Variants in TTC7A observed in about 807,000 individuals in gnomAD.
The protein encoded by TTC7A is tetratricopeptide repeat protein 7A.
A neutral mutation model predicts 103.7 loss-of-function variants in TTC7A; 110 were observed. The ratio of observed to expected loss-of-function variants is 1.06; its 90% CI spans 0.91 to 1.24. The LOEUF (loss-of-function observed/expected upper bound fraction) is 1.24, where lower values mean the gene tolerates loss of function less well. TTC7A is among the 50% of genes most tolerant of loss of function. The pLI, the probability that TTC7A is intolerant of heterozygous loss-of-function variation, is 0.00. For synonymous variants in TTC7A, 521 were observed against 467.9 expected, an observed-to-expected ratio of 1.11 and a Z score of -1.47; for missense variants, 1,340 against 1,116.3, an observed-to-expected ratio of 1.20 and a Z score of -2.86.
intron 4 of TTC7A, among the ~76,000 whole-genome samples, chr2:46,976,032 A>G (rs1050599923): frequency 6.6e-6 from 1 of 152,070 alleles, no homozygotes; most frequent in Admixed American, 6.5e-5. Flanking sequence ...CCCAGCCTCC[A>G]TTTTATTCTT....
chr2:46,958,749 C>T (rs577382057), intron 3 of TTC7A, among the ~76,000 whole-genome samples: 55 of 152,300 alleles, frequency 3.6e-4, no homozygotes, highest in Admixed American at 1.3e-3. Flanking sequence ...AGACCATGCA[C>T]GTGGCCACCA....
At chr2:46,936,969 C>T (rs1309043139), upstream of TTC7A, among the ~76,000 whole-genome samples, 1 of 151,990 alleles carries the variant, frequency 6.6e-6, no homozygotes, top group Non-Finnish European at 1.5e-5. Context: ...ATCCTCCCAC[C>T]TCAGCCCCTC....
At chr2:46,940,981 CG>C (rs1670282131), upstream of TTC7A, among the ~76,000 whole-genome samples, 1 of 151,594 alleles carries the variant, frequency 6.6e-6, no homozygotes, top group African/African-American at 2.4e-5. The surrounding 1 kb of genome is among the most constrained non-coding windows in gnomAD (Gnocchi z 4.7). Flanking sequence ...GGGCGGGAAG[CG>C]AGGCGCCCCC....
At chr2:47,025,172 C>T (rs894087026) in intron 14 of TTC7A, among the ~76,000 whole-genome samples, 3 of 152,154 alleles carry the variant, frequency 2.0e-5, no homozygotes, top group Admixed American at 1.3e-4. Context: ...GAGGGAAGCC[C>T]GAAGAAGCCC....
At chr2:47,066,496 G>T (rs1287622589) in intron 19 of TTC7A, among the ~76,000 whole-genome samples, 3 of 136,798 alleles carry the variant, frequency 2.2e-5, no homozygotes, top group Non-Finnish European at 4.4e-5. Flanking sequence ...AGGCCAAAAG[G>T]ATGAACTCTC....
intron 2 of TTC7A, among the ~76,000 whole-genome samples, chr2:46,931,361 C>A (rs1188693657): frequency 6.6e-6 from 1 of 152,260 alleles, no homozygotes; most frequent in Non-Finnish European, 1.5e-5. Context: ...GCTGGGCTTA[C>A]AGCCATAAGC....
chr2:47,041,150 C>G (rs1301166422), intron 15 of TTC7A, among the ~76,000 whole-genome samples: 1 of 152,212 alleles, frequency 6.6e-6, no homozygotes, highest in African/African-American at 2.4e-5. Context: ...TCCCCAGGTC[C>G]TGCTTTCACA....
Position 46,989,649 on chromosome 2 carries a change from A to G in TTC7A, c.765-3801A>G, listed in dbSNP as rs187217689. Among the ~76,000 whole-genome samples, 200 of 151,614 alleles carry G rather than the reference A, an allele frequency of 1.3e-3. 1 individual carries two copies. The highest frequency in any genetic ancestry group is 4.7e-3 in the African/African-American group (192 of 41,246). ...TTTTTTTTTTCTTGAAGGACATTCA[A>G]TAAAAATTGGGATTTACCCAAAACA... On this transcript the variant is annotated intron_variant, in intron 5 of 19. Coordinates refer to ENST00000319190, the MANE Select transcript of TTC7A (RefSeq NM_020458.4).
chr2:46,967,207 C>T (rs1335139334), intron 3 of TTC7A, among the ~76,000 whole-genome samples: 3 of 151,244 alleles, frequency 2.0e-5, no homozygotes, highest in Admixed American at 1.3e-4. Flanking sequence ...AGCAAGATTC[C>T]GTCTCAAAAA....
chr2:46,964,870 C>A (rs983289249), intron 3 of TTC7A, among the ~76,000 whole-genome samples: 12 of 152,170 alleles, frequency 7.9e-5, no homozygotes, highest in Middle Eastern at 3.2e-3. Context: ...AGACCTTAGT[C>A]ATTGGTGCCT....
intron 8 of TTC7A, among the ~76,000 whole-genome samples, chr2:47,002,255 C>T (rs1676896918): frequency 6.6e-6 from 1 of 152,134 alleles, no homozygotes; most frequent in Non-Finnish European, 1.5e-5. Flanking sequence ...GCAGTGCATC[C>T]CCAGCGCTGG....
At chr2:47,039,625 G>A (rs1387455859) in intron 15 of TTC7A, among the ~76,000 whole-genome samples, 1 of 152,218 alleles carries the variant, frequency 6.6e-6, no homozygotes, top group African/African-American at 2.4e-5. Context: ...GCTCTTTATA[G>A]CAGTGGGAAG....
chr2:46,999,428 CCCATTCAT>C, intron 8 of TTC7A: 1 of 944,966 alleles, frequency 1.1e-6, no homozygotes, highest in Non-Finnish European at 1.3e-6. Flanking sequence ...CATCTACCTA[CCCATTCAT>C]CCATTCATCT....
intron 3 of TTC7A, among the ~76,000 whole-genome samples, chr2:46,974,409 A>G (rs187386589): frequency 6.6e-6 from 1 of 152,054 alleles, no homozygotes; most frequent in Admixed American, 6.5e-5. Flanking sequence ...GCTTCAAGAT[A>G]CTCTCCAGTT....
At position 46,950,365 on chromosome 2, in the gene TTC7A, G is replaced by A; in HGVS notation, c.187G>A (p.Asp63Asn). ...CTGACCCCTACTTTGCTTTTCAGAT[G>A]ACTTTGGGAAATTGCTGCTGGCTGA... ...SAAFTFPDTD[D>N]FGKLLLAEAL... Residue 63 changes from aspartate to asparagine, a missense_variant and splice_region_variant, in exon 2 of 20, where the codon GAC (aspartate) becomes AAC (asparagine). Physicochemically the swap from Asp to Asn is conservative, Grantham distance 23. Coordinates refer to ENST00000319190, the MANE Select transcript of TTC7A (RefSeq NM_020458.4). 6.2e-7 allele frequency: 1 copy of A among 1,613,924 alleles called. No individual in the cohort carries two copies.
chr2:47,033,560 A>C (rs938718886), intron 15 of TTC7A, among the ~76,000 whole-genome samples: 2 of 152,200 alleles, frequency 1.3e-5, no homozygotes, highest in African/African-American at 4.8e-5. Flanking sequence ...TGTGAGAGCC[A>C]CAGTGAGGTC....
At chr2:46,983,411 C>T (rs1406892576) in intron 5 of TTC7A, among the ~76,000 whole-genome samples, 1 of 152,178 alleles carries the variant, frequency 6.6e-6, no homozygotes, top group Non-Finnish European at 1.5e-5. Flanking sequence ...TTTTCATGGC[C>T]CGGCAGTTGA....
chr2:47,012,006 C>A (rs933572685), intron 11 of TTC7A, among the ~76,000 whole-genome samples: 1 of 152,238 alleles, frequency 6.6e-6, no homozygotes. Context: ...TTCCCCAGTT[C>A]GAGGCCTTTA....
intron 18 of TTC7A, among the ~76,000 whole-genome samples, chr2:47,058,306 A>G (rs1683486146): frequency 6.6e-6 from 1 of 152,200 alleles, no homozygotes; most frequent in Admixed American, 6.5e-5. Flanking sequence ...GAAAAACCAG[A>G]GTCCTCTCAC....
Sources: gnomAD v4.1 joint callset for allele counts (sites outside exome capture counted in the v4.1 genomes callset) on GRCh38, gnomAD v4.1.1 for gene constraint, Gnocchi (gnomAD v3.1) non-coding constraint, MANE v1.5 for transcripts, NCBI Gene and HGNC (gene_info 2026-07-23, HGNC 2026-07-21) for gene names.